The following APOLD1 variants were observed in gnomAD, a reference collection of about 807,000 sequenced individuals.
APOLD1 encodes apolipoprotein L domain containing 1.
APOLD1 carries 22 observed loss-of-function variants against 15.3 expected under a neutral mutation model. The ratio of observed to expected loss-of-function variants is 1.44; its 90% CI spans 1.03 to 2.05. The LOEUF (loss-of-function observed/expected upper bound fraction) is 2.05. Among genes scored for constraint, APOLD1 ranks in the 30% most tolerant of loss-of-function variants. The pLI is 0.00. For synonymous variants in APOLD1, 190 were observed against 167.4 expected (o/e 1.13, Z -1.04); for missense variants, 394 against 353.5 (o/e 1.11, Z -0.92).
In APOLD1 at chr12:12,726,294, C is replaced by G. The variant is rs1244458423; in HGVS notation, c.96+198C>G. On this transcript the variant is annotated intron_variant, in intron 1 of 1. Coordinates refer to the APOLD1 transcript ENST00000326765. ...TTTTAAAAAAGTTTTCTTTGATTTC[C>G]AGAGCGTTTTTGCGGGAGGAATATG... 4.4e-6 allele frequency: 3 copies of G among 679,034 alleles called. No individual in the cohort carries two copies. In the Admixed American group the frequency reaches 6.5e-5, roughly 15 times the overall value. 42.1% of individuals were successfully genotyped at this position (679,034 alleles called of 1,614,324 possible).
At chr12:12,762,207 A>C (rs1183361025) in intron 1 of APOLD1, among the ~76,000 whole-genome samples, 2 of 152,126 alleles carry the variant, frequency 1.3e-5, no homozygotes, top group Non-Finnish European at 2.9e-5. Context: ...GGCATAGCAC[A>C]GTAGGAGCCC....
Position 12,787,314 on chromosome 12 carries a change from T to C in APOLD1, c.409T>C (p.Cys137Arg). The change falls in exon 2 of 2, where the codon TGC becomes CGC. Residue 137 changes from cysteine (C) to arginine (R), a missense_variant. Transcript: ENST00000356591. This position sits in a 1 kb window ranked among gnomAD's most constrained non-coding sequence, Gnocchi z 4.9. ...GGACCAGATGCGAGAGATCCTGAGCTGCCTCGAGTTTTTCTGCCGCTGGCA... is the reference window on the plus strand; with the variant it reads ...GGACCAGATGCGAGAGATCCTGAGCCGCCTCGAGTTTTTCTGCCGCTGGCA... ...CQDQMREILS[C>R]LEFFCRWQGC... 6.2e-7 allele frequency: 1 copy of C among 1,613,220 alleles called. No homozygotes were observed. Among genetic ancestry groups the C allele is most frequent in the Non-Finnish European group, 8.5e-7 (1 of 1,179,906 alleles).
At chr12:12,733,633 C>T (rs1226635011) in intron 1 of APOLD1, among the ~76,000 whole-genome samples, 3 of 152,000 alleles carry the variant, frequency 2.0e-5, no homozygotes, top group African/African-American at 7.2e-5. Flanking sequence ...GACAGAGTTT[C>T]GCTCTGTTGC....
intron 1 of APOLD1, among the ~76,000 whole-genome samples, chr12:12,758,379 T>C (rs970802222): frequency 1.3e-5 from 2 of 151,968 alleles, no homozygotes; most frequent in African/African-American, 2.4e-5. Flanking sequence ...ACCTTGTCCG[T>C]ACTAAAAATA....
Position 12,787,529 on chromosome 12 carries a change from C to T in APOLD1, c.624C>T (p.Ser208=). Reference sequence around the variant, plus strand: ...AGAAACTGGCCGAGAGCCTGGAGTCCTGCACCGGGGCTCTGGACGAACTCA... The same window carrying T: ...AGAAACTGGCCGAGAGCCTGGAGTCTTGCACCGGGGCTCTGGACGAACTCA... ...KIQKLAESLE[S]CTGALDELSE... Residue 208 remains serine (S), a synonymous_variant, in exon 2 of 2, where the codon TCC becomes TCT. Transcript: ENST00000356591. The surrounding 1 kb of genome is among the most constrained non-coding windows in gnomAD (Gnocchi z 4.9). 6.2e-7 allele frequency: 1 copy of T among 1,613,958 alleles called. No individual in the cohort carries two copies. The highest frequency in any genetic ancestry group is 8.5e-7 in the Non-Finnish European group (1 of 1,180,046).
At position 12,787,562 on chromosome 12, in the gene APOLD1, G is replaced by A. The variant is rs1029813701; in HGVS notation, c.657G>A (p.Gln219=). ...CTGALDELSE[Q]LESRVQLCTK... ...GGGCTCTGGACGAACTCAGCGAGCA[G>A]CTGGAGTCTCGGGTTCAGCTCTGCA... The change falls in exon 2 of 2, where the codon CAG becomes CAA. Residue 219 remains glutamine, a synonymous_variant. Transcript: ENST00000356591. The surrounding 1 kb of genome is among the most constrained non-coding windows in gnomAD (Gnocchi z 4.9). The A allele has an allele frequency of 1.2e-6, 2 of 1,613,584 alleles. No individual in the cohort carries two copies.
At chr12:12,728,690 A>AAAAAAAAAAAAAAAG (rs779176543) in intron 1 of APOLD1, among the ~76,000 whole-genome samples, 1 of 139,330 alleles carries the variant, frequency 7.2e-6, no homozygotes, top group Non-Finnish European at 1.6e-5. Flanking sequence ...AAAAAAAAAA[A>AAAAAAAAAAAAAAAG]AGAGAGAGAA....
At chr12:12,741,406 G>C (rs922413027) in intron 1 of APOLD1, among the ~76,000 whole-genome samples, 3 of 152,076 alleles carry the variant, frequency 2.0e-5, no homozygotes, top group Non-Finnish European at 4.4e-5. Context: ...GTAGAGACAA[G>C]GTATTGTTAT....
chr12:12,739,728 T>C (rs1288174227), intron 1 of APOLD1, among the ~76,000 whole-genome samples: 3 of 152,114 alleles, frequency 2.0e-5, no homozygotes, highest in Non-Finnish European at 4.4e-5. Flanking sequence ...AATATGATCC[T>C]ATAGCCATAA....
intron 1 of APOLD1, among the ~76,000 whole-genome samples, chr12:12,728,445 C>T (rs1198724375): frequency 6.6e-6 from 1 of 151,828 alleles, no homozygotes; most frequent in Non-Finnish European, 1.5e-5. Flanking sequence ...GCGGGCAGAT[C>T]GCTTGAACTC....
chr12:12,744,283 T>C (rs1281516211), intron 1 of APOLD1, among the ~76,000 whole-genome samples: 1 of 142,272 alleles, frequency 7.0e-6, no homozygotes, highest in Non-Finnish European at 1.5e-5. Flanking sequence ...TACTCCAGCC[T>C]GGGCAATAGA....
intron 1 of APOLD1, among the ~76,000 whole-genome samples, chr12:12,772,851 T>C (rs946325506): frequency 1.3e-5 from 2 of 152,216 alleles, no homozygotes; most frequent in Non-Finnish European, 2.9e-5. Flanking sequence ...AAAATCCCAA[T>C]ATACTTGGAG....
chr12:12,737,736 G>T (rs962630498), intron 1 of APOLD1, among the ~76,000 whole-genome samples: 8 of 152,196 alleles, frequency 5.3e-5, no homozygotes, highest in African/African-American at 1.9e-4. Context: ...AAGCTGGGGG[G>T]CCCAGGGTTG....
intron 1 of APOLD1, among the ~76,000 whole-genome samples, chr12:12,730,737 A>G (rs1408703393): frequency 6.8e-6 from 1 of 148,026 alleles, no homozygotes; most frequent in Non-Finnish European, 1.5e-5. Context: ...TTGTCTATAT[A>G]ATGAGGATGC....
intron 1 of APOLD1, among the ~76,000 whole-genome samples, chr12:12,728,533 G>A (rs1946611607): frequency 6.6e-6 from 1 of 151,768 alleles, no homozygotes. Context: ...ACCAGGTGTG[G>A]TGGTGCTGCC....
At chr12:12,760,101 C>T (rs1369979497) in intron 1 of APOLD1, among the ~76,000 whole-genome samples, 1 of 152,196 alleles carries the variant, frequency 6.6e-6, no homozygotes, top group Non-Finnish European at 1.5e-5. Context: ...CTTTTGGAAG[C>T]CAAGGCAGGC....
intron 1 of APOLD1, among the ~76,000 whole-genome samples, chr12:12,772,355 C>T (rs754942614): frequency 6.6e-6 from 1 of 152,148 alleles, no homozygotes; most frequent in Non-Finnish European, 1.5e-5. Flanking sequence ...TCAGACAGAA[C>T]AGACTTCAGA....
chr12:12,736,501 T>C (rs1946687669), intron 1 of APOLD1, among the ~76,000 whole-genome samples: 1 of 152,204 alleles, frequency 6.6e-6, no homozygotes, highest in African/African-American at 2.4e-5. Flanking sequence ...CACTCCAGCC[T>C]GGGTGACAGA....
intron 1 of APOLD1, among the ~76,000 whole-genome samples, chr12:12,768,885 A>C (rs546864026): frequency 2.6e-5 from 4 of 151,878 alleles, no homozygotes; most frequent in Non-Finnish European, 5.9e-5. Context: ...AGGGAAAAAA[A>C]GTGGATTAGG....
Sources: gnomAD v4.1 joint callset for allele counts (sites outside exome capture counted in the v4.1 genomes callset) on GRCh38, gnomAD v4.1.1 for gene constraint, Gnocchi (gnomAD v3.1) non-coding constraint, MANE v1.5 for transcripts, NCBI Gene and HGNC (gene_info 2026-07-23, HGNC 2026-07-21) for gene names.